Variants in BACH2 observed in about 807,000 individuals in gnomAD.
The protein encoded by BACH2 is BACH transcriptional regulator 2, also known as transcription regulator protein BACH2.
A neutral mutation model predicts 61.8 loss-of-function variants in BACH2; 5 were observed. The observed-to-expected ratio is 0.08, with a 90% CI of 0.04 to 0.17. The LOEUF (loss-of-function observed/expected upper bound fraction) is 0.17. Ranked by LOEUF, BACH2 falls within the 10% of genes least tolerant of loss-of-function variation. BACH2 has a pLI of 1.00. For synonymous variants in BACH2, 446 were observed against 440.1 expected, an observed-to-expected ratio of 1.01 and a Z score of -0.17; for missense variants, 824 against 1,091.1, an observed-to-expected ratio of 0.76 and a Z score of 3.45.
At chr6:90,039,533 T>C (rs1779424853) in intron 5 of BACH2, among the ~76,000 whole-genome samples, 1 of 152,110 alleles carries the variant, frequency 6.6e-6, no homozygotes, top group Admixed American at 6.6e-5. Flanking sequence ...CACAGGTGCG[T>C]GCTACCACGG....
Position 90,147,035 on chromosome 6 carries a change from C to T in BACH2, c.-161-57926G>A, listed in dbSNP as rs1325167479. 3.3e-5 allele frequency among the ~76,000 whole-genome samples: 5 copies of T among 151,924 alleles called. No homozygotes were observed. The East Asian group carries it at 9.7e-4, about 29-fold the overall frequency. The stretch of plus-strand genomic sequence containing the variant: ...AAATAAAAAAGAAAAAAATTTTTCC[C>T]GAAAGGGTAGAATATGGCAGAAACA... On this transcript the variant is annotated intron_variant, in intron 4 of 8. Transcript: ENST00000257749.
chr6:90,214,700 G>A (rs1180873753), intron 3 of BACH2, among the ~76,000 whole-genome samples: 2 of 151,206 alleles, frequency 1.3e-5, no homozygotes, highest in Non-Finnish European at 2.9e-5. Flanking sequence ...ACTCTAGTTG[G>A]CCTGAAGGTT....
intron 5 of BACH2, among the ~76,000 whole-genome samples, chr6:90,011,172 T>C (rs1043020165): frequency 2.0e-5 from 3 of 152,160 alleles, no homozygotes; most frequent in Non-Finnish European, 4.4e-5. Flanking sequence ...AGAAGTGTTA[T>C]TTTTTTAGCC....
chr6:90,286,919 GA>G (rs1772036380), intron 1 of BACH2, among the ~76,000 whole-genome samples: 1 of 152,162 alleles, frequency 6.6e-6, no homozygotes, highest in Non-Finnish European at 1.5e-5. Context: ...CTGGAACAAA[GA>G]AAGACACGGA....
Position 89,950,380 on chromosome 6 carries a change from G to A in BACH2, c.1726C>T (p.Arg576Trp). Residue 576 changes from arginine (R) to tryptophan (W), a missense_variant, in exon 7 of 9, where the codon CGG becomes TGG. Transcript: ENST00000257749. This position sits in a 1 kb window ranked among gnomAD's most constrained non-coding sequence, Gnocchi z 5.3. ...LMGDGMYNQVRPQIKCEQSYG... is the reference protein window; with the variant it reads ...LMGDGMYNQVWPQIKCEQSYG... ...GACTGCTCACATTTAATTTGGGGCCGCACTTGGTTGTACATTCCATCTCCC... is the reference window on the plus strand; with the variant it reads ...GACTGCTCACATTTAATTTGGGGCCACACTTGGTTGTACATTCCATCTCCC... The A allele has an allele frequency of 5.0e-6, 8 of 1,614,140 alleles. No individual in the cohort carries two copies. Among genetic ancestry groups the A allele is most frequent in the Non-Finnish European group, 5.9e-6 (7 of 1,180,028 alleles).
intron 5 of BACH2, among the ~76,000 whole-genome samples, chr6:90,035,257 TA>T (rs1779206121): frequency 6.6e-6 from 1 of 152,024 alleles, no homozygotes; most frequent in Non-Finnish European, 1.5e-5. Flanking sequence ...AGAATGAAAA[TA>T]CACTCAGCTG....
chr6:90,050,936 T>G (rs1288820946), intron 5 of BACH2, among the ~76,000 whole-genome samples: 1 of 152,104 alleles, frequency 6.6e-6, no homozygotes, highest in East Asian at 1.9e-4. Flanking sequence ...CATGCCCAGC[T>G]AATTTTTGTA....
intron 5 of BACH2, among the ~76,000 whole-genome samples, chr6:90,033,414 C>T (rs1025755425): frequency 4.6e-5 from 7 of 150,792 alleles, no homozygotes; most frequent in South Asian, 2.1e-4. Flanking sequence ...CTTTTCCTCA[C>T]GCACAGGAAT....
chr6:90,156,528 A>C (rs944263451), intron 4 of BACH2, among the ~76,000 whole-genome samples: 14 of 152,246 alleles, frequency 9.2e-5, no homozygotes, highest in African/African-American at 3.4e-4. Context: ...GGAGCATTGT[A>C]CAAAAATGGG....
At chr6:90,144,251 C>G (rs1245046971) in intron 4 of BACH2, among the ~76,000 whole-genome samples, 1 of 152,144 alleles carries the variant, frequency 6.6e-6, no homozygotes, top group Non-Finnish European at 1.5e-5. Flanking sequence ...AAAGAAAAGT[C>G]TATTTATTTA....
intron 3 of BACH2, among the ~76,000 whole-genome samples, chr6:90,237,144 C>T (rs934215438): frequency 3.3e-5 from 5 of 152,108 alleles, no homozygotes; most frequent in South Asian, 2.1e-4. Context: ...AGGATGGTCT[C>T]GATCTCCTGA....
At chr6:90,262,385 C>G (rs964867682) in intron 2 of BACH2, among the ~76,000 whole-genome samples, 1 of 152,166 alleles carries the variant, frequency 6.6e-6, no homozygotes, top group Admixed American at 6.5e-5. Context: ...TGTGGAGCCC[C>G]TTCCCATCCC....
intron 2 of BACH2, among the ~76,000 whole-genome samples, chr6:90,256,382 T>C (rs1770979535): frequency 6.6e-6 from 1 of 152,190 alleles, no homozygotes; most frequent in South Asian, 2.1e-4. Context: ...AAACCTTCCA[T>C]GTGTAACCTG....
At chr6:89,967,324 T>C (rs1217219116) in intron 6 of BACH2, among the ~76,000 whole-genome samples, 2 of 152,206 alleles carry the variant, frequency 1.3e-5, no homozygotes, top group African/African-American at 2.4e-5. Context: ...TTTTGACAAA[T>C]ACCAAGTCTC....
chr6:89,969,559 C>T (rs1478620857), intron 6 of BACH2, among the ~76,000 whole-genome samples: 1 of 152,168 alleles, frequency 6.6e-6, no homozygotes, highest in Non-Finnish European at 1.5e-5. Flanking sequence ...GCAGCACCAA[C>T]AGGAGTCAGC....
At chr6:89,961,810 A>C in intron 6 of BACH2, among the ~76,000 whole-genome samples, 1 of 152,218 alleles carries the variant, frequency 6.6e-6, no homozygotes, top group East Asian at 1.9e-4. Flanking sequence ...TGCTCCAATC[A>C]TTGGTACAGA....
chr6:90,258,170 T>C (rs563625310), intron 2 of BACH2, among the ~76,000 whole-genome samples: 119 of 152,356 alleles, frequency 7.8e-4, no homozygotes, highest in Non-Finnish European at 1.4e-3. Flanking sequence ...TTCCCCTATG[T>C]TCCTGTGTAG....
chr6:90,277,360 C>T (rs1233660757), intron 1 of BACH2, among the ~76,000 whole-genome samples: 4 of 152,150 alleles, frequency 2.6e-5, no homozygotes, highest in Non-Finnish European at 5.9e-5. Flanking sequence ...GTTAACTGTG[C>T]ATATTATCGA....
At chr6:90,206,065 G>T (rs1213850000) in intron 4 of BACH2, among the ~76,000 whole-genome samples, 1 of 152,150 alleles carries the variant, frequency 6.6e-6, no homozygotes, top group African/African-American at 2.4e-5. Context: ...CAGTAAATAT[G>T]TATCAAGTGC....
Sources: allele counts gnomAD v4.1 joint callset (sites outside exome capture counted in the v4.1 genomes callset), GRCh38; gene constraint gnomAD v4.1.1; non-coding constraint Gnocchi (gnomAD v3.1); transcripts MANE v1.5; gene names NCBI Gene and HGNC (gene_info 2026-07-23, HGNC 2026-07-21).